The following FRMD6 variants were observed in gnomAD, a reference collection of about 807,000 sequenced individuals.
FRMD6 encodes the protein FERM domain containing 6.
FRMD6 carries 37 observed loss-of-function variants against 73.2 expected under a neutral mutation model. The observed-to-expected ratio is 0.51, with a 90% CI of 0.39 to 0.66. The LOEUF (loss-of-function observed/expected upper bound fraction) is 0.66. FRMD6 is among the 30% of genes least tolerant of loss of function. The pLI is 0.00. For missense variants in FRMD6, 714 were observed against 780.5 expected (o/e 0.91, Z 1.02); for synonymous variants, 273 against 282.2 (o/e 0.97, Z 0.33).
intron 2 of FRMD6, among the ~76,000 whole-genome samples, chr14:51,606,787 A>G (rs927801684): frequency 5.9e-5 from 9 of 152,124 alleles, no homozygotes; most frequent in African/African-American, 2.2e-4. Flanking sequence ...ATGCTCAGGA[A>G]TGCTGACCTA....
chr14:51,505,696 A>G (rs1345884232), intron 1 of FRMD6, among the ~76,000 whole-genome samples: 1 of 152,154 alleles, frequency 6.6e-6, no homozygotes, highest in Admixed American at 6.5e-5. Flanking sequence ...TTCTAAACCT[A>G]AATGCATCCT....
At chr14:51,716,190 C>T (rs1897233303) in intron 10 of FRMD6, among the ~76,000 whole-genome samples, 1 of 152,228 alleles carries the variant, frequency 6.6e-6, no homozygotes, top group East Asian at 1.9e-4. Flanking sequence ...TTCAACTTTA[C>T]ATTAATCTGA....
chr14:51,517,589 G>A (rs965214255), intron 1 of FRMD6, among the ~76,000 whole-genome samples: 3 of 151,904 alleles, frequency 2.0e-5, no homozygotes, highest in Non-Finnish European at 4.4e-5. Context: ...TTAAATTACC[G>A]AGCTCTGATC....
intron 1 of FRMD6, among the ~76,000 whole-genome samples, chr14:51,662,234 A>G (rs758632266): frequency 2.6e-5 from 4 of 152,186 alleles, no homozygotes; most frequent in Non-Finnish European, 5.9e-5. Flanking sequence ...TACCACACAT[A>G]AGGTATTCTG....
chr14:51,638,464 C>T (rs767608772), intron 2 of FRMD6, among the ~76,000 whole-genome samples: 5 of 152,066 alleles, frequency 3.3e-5, no homozygotes, highest in African/African-American at 9.7e-5. Context: ...CACTTACTGC[C>T]GGGCTACTGC....
the FRMD6 span, among the ~76,000 whole-genome samples, chr14:51,447,655 C>T: frequency 2.0e-5 from 3 of 152,160 alleles, no homozygotes; most frequent in Admixed American, 6.5e-5. Flanking sequence ...ACTCTGGGCA[C>T]CTTGGGTGGA....
the FRMD6 span, among the ~76,000 whole-genome samples, chr14:51,470,323 G>A: frequency 6.6e-6 from 1 of 152,062 alleles, no homozygotes; most frequent in East Asian, 1.9e-4. Flanking sequence ...TCCAAACAAG[G>A]CTGGCCGATA....
At chr14:51,409,167 C>G in the FRMD6 span, among the ~76,000 whole-genome samples, 8 of 152,116 alleles carry the variant, frequency 5.3e-5, no homozygotes, top group Non-Finnish European at 8.8e-5. Context: ...ATGGGGGTCT[C>G]CTATTAGCCT....
At chr14:51,679,555 CTTTTT>C (rs61250963) in intron 1 of FRMD6, among the ~76,000 whole-genome samples, 8 of 120,578 alleles carry the variant, frequency 6.6e-5, no homozygotes, top group Non-Finnish European at 1.2e-4. Flanking sequence ...CATTTGTTTT[CTTTTT>C]TTTTTTTTTT....
chr14:51,641,076 T>C (rs1891788397), intron 2 of FRMD6, among the ~76,000 whole-genome samples: 1 of 152,114 alleles, frequency 6.6e-6, no homozygotes, highest in Admixed American at 6.6e-5. Context: ...GTTCAAGCAA[T>C]TCTCACGCCT....
intron 2 of FRMD6, among the ~76,000 whole-genome samples, chr14:51,594,936 A>G (rs971506207): frequency 6.6e-6 from 1 of 152,198 alleles, no homozygotes; most frequent in African/African-American, 2.4e-5. Flanking sequence ...TCCTTTGGAG[A>G]TGGTGCCTTC....
the FRMD6 span, among the ~76,000 whole-genome samples, chr14:51,404,750 T>C: frequency 6.6e-6 from 1 of 152,210 alleles, no homozygotes; most frequent in South Asian, 2.1e-4. Context: ...ATTGTTTTAG[T>C]TGATATACTA....
At chr14:51,646,316 T>C (rs1336889785) in intron 2 of FRMD6, among the ~76,000 whole-genome samples, 5 of 67,120 alleles carry the variant, frequency 7.4e-5, no homozygotes, top group Admixed American at 2.4e-4. Flanking sequence ...AGACTCCATA[T>C]CCAAAAAAAA....
chr14:51,689,704 G>C lies in FRMD6; in HGVS notation c.-133G>C. 1.5e-6 allele frequency: 1 copy of C among 662,990 alleles called. No individual in the cohort carries two copies. The highest frequency in any genetic ancestry group is 1.7e-5 in the South Asian group (1 of 57,238). 41.1% of individuals were successfully genotyped at this position (662,990 alleles called of 1,614,324 possible). A position where few individuals can be genotyped will look rare whatever the true frequency, so the allele number is the denominator to read the frequency against. ...GCTTTTTCACAGCTATGAAACCCAC[G>C]TAGTCGAACACCGTGATGCTTCTCC... On this transcript the variant is annotated 5_prime_UTR_variant, in exon 2 of 14. Coordinates refer to ENST00000344768, the MANE Select transcript of FRMD6 (RefSeq NM_001267046.2).
chr14:51,399,477 A>G, the FRMD6 span, among the ~76,000 whole-genome samples: 1 of 152,218 alleles, frequency 6.6e-6, no homozygotes, highest in Non-Finnish European at 1.5e-5. Context: ...TTTGGGATAT[A>G]TCATCTGAGT....
At chr14:51,447,619 G>T in the FRMD6 span, among the ~76,000 whole-genome samples, 1 of 152,194 alleles carries the variant, frequency 6.6e-6, no homozygotes, top group Non-Finnish European at 1.5e-5. Flanking sequence ...GAGTCTGGAA[G>T]AATTGGCGTC....
chr14:51,588,488 T>C (rs1174263923), intron 2 of FRMD6, among the ~76,000 whole-genome samples: 2 of 152,166 alleles, frequency 1.3e-5, no homozygotes, highest in Non-Finnish European at 2.9e-5. Flanking sequence ...AGGAAAATTA[T>C]AAATTATAAA....
At chr14:51,427,219 A>G in the FRMD6 span, among the ~76,000 whole-genome samples, 13,198 of 152,218 alleles carry the variant, frequency 0.087, 606 homozygotes, top group East Asian at 0.12. Flanking sequence ...CCTAGAGCAC[A>G]TTTTCCTCAA....
At chr14:51,646,204 G>A (rs1269510279) in intron 2 of FRMD6, among the ~76,000 whole-genome samples, 1 of 151,244 alleles carries the variant, frequency 6.6e-6, no homozygotes. Flanking sequence ...TGTAGTCTCG[G>A]CTACTCGGGA....
Sources: allele counts gnomAD v4.1 joint callset (sites outside exome capture counted in the v4.1 genomes callset), GRCh38; gene constraint gnomAD v4.1.1; transcripts MANE v1.5; gene names NCBI Gene and HGNC (gene_info 2026-07-23, HGNC 2026-07-21).